The following TNS3 variants were observed in gnomAD, a reference collection of about 807,000 sequenced individuals.
TNS3 encodes the protein tensin-3.
Under a neutral mutation model 140.9 loss-of-function variants are expected in TNS3, and 45 were observed. The ratio of observed to expected loss-of-function variants is 0.32; its 90% CI spans 0.25 to 0.41. TNS3 has a LOEUF of 0.41. TNS3 is among the 10% of genes least tolerant of loss of function. TNS3 has a pLI of 1.00. For missense variants in TNS3, 1,716 were observed against 1,906.7 expected, an observed-to-expected ratio of 0.90 and a Z score of 1.86; for synonymous variants, 815 against 788.4, an observed-to-expected ratio of 1.03 and a Z score of -0.56.
intron 3 of TNS3, among the ~76,000 whole-genome samples, chr7:47,492,216 C>T (rs1323835335): frequency 4.6e-5 from 7 of 152,204 alleles, no homozygotes; most frequent in Admixed American, 1.3e-4. Context: ...TGTCATGGCT[C>T]TGGCCACCCC....
chr7:47,306,522 T>A (rs1786762498), intron 20 of TNS3, among the ~76,000 whole-genome samples: 1 of 152,244 alleles, frequency 6.6e-6, no homozygotes, highest in South Asian at 2.1e-4. Context: ...TCAATATGAA[T>A]TAAAAATTAC....
intron 2 of TNS3, among the ~76,000 whole-genome samples, chr7:47,509,823 T>A (rs952569268): frequency 6.6e-6 from 1 of 152,134 alleles, no homozygotes; most frequent in African/African-American, 2.4e-5. Context: ...GACACCCTTC[T>A]GTGCCACTGA....
intron 25 of TNS3, 103 bp downstream of exon 25, chr7:47,293,630 A>C: frequency 1.0e-6 from 1 of 977,392 alleles, no homozygotes; most frequent in Admixed American, 1.9e-5. Flanking sequence ...AAATATGAGT[A>C]AACCACCATA....
rs541075424 is a variant in TNS3 at position 47,328,903 on chromosome 7, G to A, written c.2650+15852C>T. Among the ~76,000 whole-genome samples, 20 of 152,344 alleles carry A rather than the reference G, an allele frequency of 1.3e-4. No homozygotes were observed. The South Asian group carries it at 3.7e-3, about 28-fold the overall frequency. The stretch of plus-strand genomic sequence containing the variant: ...GCCTGGCTGGCACCTACTGTAGGCT[G>A]TTGGCAGCCTCTACGCACTGTGTCC... On this transcript the variant is annotated intron_variant, in intron 20 of 30. Coordinates refer to ENST00000311160, the MANE Select transcript of TNS3 (RefSeq NM_022748.12).
At chr7:47,433,104 C>T (rs557772957) in intron 8 of TNS3, among the ~76,000 whole-genome samples, 9 of 152,252 alleles carry the variant, frequency 5.9e-5, no homozygotes, top group East Asian at 1.9e-4. Flanking sequence ...CTGCATCACA[C>T]GGCAGAACGG....
In TNS3 at chr7:47,345,009, G is replaced by C; in HGVS notation, c.2481C>G (p.Leu827=). ...ETMTPGYPQD[L]DIIDGRILSS... ...TTAAAATTCTGCCATCGATAATATC[G>C]AGGTCCTGGGGATAGCCAGGGGTCA... Residue 827 remains leucine (L), a synonymous_variant, in exon 19 of 31, where the codon CTC becomes CTG. Coordinates refer to ENST00000311160, the MANE Select transcript of TNS3 (RefSeq NM_022748.12). The C allele has an allele frequency of 6.2e-7, 1 of 1,614,060 alleles. No individual in the cohort carries two copies. Among genetic ancestry groups the C allele is most frequent in the Non-Finnish European group, 8.5e-7 (1 of 1,180,024 alleles).
At chr7:47,354,986 G>T (rs1009465870) in intron 17 of TNS3, among the ~76,000 whole-genome samples, 1 of 152,072 alleles carries the variant, frequency 6.6e-6, no homozygotes, top group Non-Finnish European at 1.5e-5. Flanking sequence ...CCAGAGCCTC[G>T]GGAACCACGT....
At position 47,439,524 on chromosome 7, in the gene TNS3, G is replaced by A. The variant is rs745594903; in HGVS notation, c.113C>T (p.Thr38Met). ...ESYLHNLQEV[T>M]RMLKSKHGDN... is the part of the protein sequence containing the mutation. ...CCCGTGCTTGGACTTGAGCATGCGC[G>A]TGACCTCCTGTAGGTTGTGCAGGTA... is the stretch of plus-strand genomic sequence containing the variant. Residue 38 changes from threonine (T) to methionine (M), a missense_variant, in exon 6 of 31, where the codon ACG (threonine) becomes ATG (methionine). Physicochemically the swap from Thr to Met is moderately conservative, Grantham distance 81. This residue lies in a region of TNS3 where 337 missense variants were observed against 428.9 expected (regional missense o/e 0.79). Coordinates refer to ENST00000311160, the MANE Select transcript of TNS3 (RefSeq NM_022748.12). The A allele has an allele frequency of 1.1e-5, 17 of 1,613,836 alleles. No homozygotes were observed. Among genetic ancestry groups the A allele is most frequent in the African/African-American group, 6.7e-5 (5 of 74,910 alleles).
chr7:47,469,771 C>T (rs1018395142), intron 4 of TNS3, among the ~76,000 whole-genome samples: 4 of 151,980 alleles, frequency 2.6e-5, no homozygotes, highest in African/African-American at 9.7e-5. Context: ...GTCAGGAGTT[C>T]GAGACCAGCC....
chr7:47,420,833 T>C (rs956493655), intron 10 of TNS3, among the ~76,000 whole-genome samples: 14 of 152,264 alleles, frequency 9.2e-5, no homozygotes, highest in Non-Finnish European at 4.4e-5. Flanking sequence ...CAGGCAAGAA[T>C]TGAGGTTCCT....
At chr7:47,312,802 C>T (rs574157226) in intron 20 of TNS3, among the ~76,000 whole-genome samples, 2 of 152,078 alleles carry the variant, frequency 1.3e-5, no homozygotes, top group African/African-American at 2.4e-5. Flanking sequence ...TTAATGGGTG[C>T]AGCACACCAA....
chr7:47,437,445 A>C, intron 6 of TNS3, 132 bp from the exon 7 acceptor site: 2 of 307,912 alleles, frequency 6.5e-6, no homozygotes, highest in Non-Finnish European at 1.1e-5. Flanking sequence ...ACACTCACAA[A>C]TCAGGGGGAA....
intron 23 of TNS3, among the ~76,000 whole-genome samples, chr7:47,299,903 C>T (rs1453085637): frequency 1.3e-5 from 2 of 152,224 alleles, no homozygotes; most frequent in Non-Finnish European, 2.9e-5. Context: ...AGTGAGTCTC[C>T]TCGCACCTTC....
intron 15 of TNS3, among the ~76,000 whole-genome samples, chr7:47,398,188 G>C (rs1339138077): frequency 1.3e-5 from 2 of 151,912 alleles, no homozygotes; most frequent in South Asian, 4.2e-4. Flanking sequence ...CAATAAAAAA[G>C]AGCCCAGGGC....
intron 8 of TNS3, among the ~76,000 whole-genome samples, chr7:47,434,750 G>T (rs1413919252): frequency 6.6e-6 from 1 of 152,202 alleles, no homozygotes; most frequent in Non-Finnish European, 1.5e-5. Context: ...CAACCCTGCT[G>T]GGGCTGACAG....
intron 8 of TNS3, among the ~76,000 whole-genome samples, chr7:47,434,423 T>G (rs1392539566): frequency 6.6e-6 from 1 of 152,110 alleles, no homozygotes; most frequent in African/African-American, 2.4e-5. Flanking sequence ...TAATGAACAG[T>G]GACCCCAGCC....
intron 3 of TNS3, among the ~76,000 whole-genome samples, chr7:47,505,415 G>T (rs574085259): frequency 6.6e-6 from 1 of 152,186 alleles, no homozygotes; most frequent in Admixed American, 6.5e-5. Context: ...AACAAGAAAT[G>T]CCCACTCCTC....
Position 47,278,418 on chromosome 7 carries a change from G to A in TNS3, c.4194-198C>T, listed in dbSNP as rs1159639826. 3 of 608,928 alleles carry A rather than the reference G, an allele frequency of 4.9e-6. No homozygotes were observed. The Admixed American group carries it at 9.2e-5, about 19-fold the overall frequency. The allele number at this position is 608,928 out of a possible 1,614,324, so 37.7% of individuals were successfully genotyped here. ...TCACAGACCTACAGATGGGATGTCT[G>A]ACTCTAGCTCTGCAGTGAGGACCCT... On this transcript the variant is annotated intron_variant, in intron 30 of 30. Coordinates refer to ENST00000311160, the MANE Select transcript of TNS3 (RefSeq NM_022748.12).
intron 3 of TNS3, among the ~76,000 whole-genome samples, chr7:47,505,207 A>T (rs1798370069): frequency 6.6e-6 from 1 of 152,154 alleles, no homozygotes; most frequent in Non-Finnish European, 1.5e-5. Flanking sequence ...AACACATCCC[A>T]GTCCTCCTAG....
Sources: gnomAD v4.1 joint callset for allele counts (sites outside exome capture counted in the v4.1 genomes callset) on GRCh38, gnomAD v4.1.1 for gene constraint, gnomAD v4.1.1 regional missense constraint, MANE v1.5 for transcripts, NCBI Gene and HGNC (gene_info 2026-07-23, HGNC 2026-07-21) for gene names.